Variants in RYR2 observed in about 807,000 individuals in gnomAD.
RYR2 encodes the protein cardiac muscle ryanodine receptor-calcium release channel.
A neutral mutation model predicts 601.1 loss-of-function variants in RYR2; 227 were observed. The ratio of observed to expected loss-of-function variants is 0.38; its 90% CI spans 0.34 to 0.42. The LOEUF (loss-of-function observed/expected upper bound fraction) is 0.42. Among genes scored for constraint, RYR2 ranks in the 10% least tolerant of loss-of-function variants. The pLI is 1.00. For synonymous variants in RYR2, 2,223 were observed against 2,175.1 expected (o/e 1.02, Z -0.61); for missense variants, 4,646 against 6,156.5 (o/e 0.75, Z 8.21).
At chr1:237,245,891 C>T (rs758833549) in intron 1 of RYR2, among the ~76,000 whole-genome samples, 8 of 151,942 alleles carry the variant, frequency 5.3e-5, no homozygotes, top group South Asian at 2.1e-4. Context: ...CAGTGATTCT[C>T]CTGTCTCAGC....
At position 237,722,181 on chromosome 1, in the gene RYR2, G is replaced by T. The variant is rs932170197; in HGVS notation, c.10555-947G>T. 3.3e-5 allele frequency among the ~76,000 whole-genome samples: 5 copies of T among 152,164 alleles called. No homozygotes were observed. In the South Asian group the frequency reaches 1.0e-3, roughly 32 times the overall value. On this transcript the variant is annotated intron_variant, in intron 73 of 104. Coordinates refer to ENST00000366574, the MANE Select transcript of RYR2 (RefSeq NM_001035.3). ...TCTTTCTACAATTAGACTGTGAATGGGGAGGAGAAGAGCATGGGTAGCCTT... is the reference window on the plus strand; with the variant it reads ...TCTTTCTACAATTAGACTGTGAATGTGGAGGAGAAGAGCATGGGTAGCCTT...
intron 5 of RYR2, among the ~76,000 whole-genome samples, chr1:237,368,274 C>T (rs1700360145): frequency 6.6e-6 from 1 of 152,060 alleles, no homozygotes; most frequent in African/African-American, 2.4e-5. Context: ...TTATTCTATA[C>T]AGTTTGGAAG....
intron 1 of RYR2, among the ~76,000 whole-genome samples, chr1:237,074,866 T>G (rs1664809164): frequency 6.6e-6 from 1 of 152,214 alleles, no homozygotes; most frequent in Non-Finnish European, 1.5e-5. Context: ...AGAGTTGATT[T>G]GCAGGTTAGG....
intron 1 of RYR2, among the ~76,000 whole-genome samples, chr1:237,260,287 C>G (rs1299340988): frequency 3.3e-5 from 5 of 152,110 alleles, no homozygotes; most frequent in Non-Finnish European, 7.3e-5. Flanking sequence ...AGCTTATTGA[C>G]GTGTGCAAGG....
intron 104 of RYR2, among the ~76,000 whole-genome samples, chr1:237,832,213 G>GTT (rs747564786): frequency 0.022 from 3,143 of 143,584 alleles, 66 homozygotes; most frequent in Non-Finnish European, 0.035. Flanking sequence ...TTTTTTTTGT[G>GTT]TTTTTTTTTT....
At chr1:237,198,467 A>C (rs1451275659) in intron 1 of RYR2, among the ~76,000 whole-genome samples, 1 of 137,490 alleles carries the variant, frequency 7.3e-6, no homozygotes, top group Admixed American at 7.4e-5. Context: ...TTTGGTATGG[A>C]AGTATTTTCC....
chr1:237,805,987 C>T, intron 98 of RYR2, 150 bp from the exon 99 acceptor site: 2 of 637,054 alleles, frequency 3.1e-6, no homozygotes, highest in South Asian at 4.8e-5. Flanking sequence ...CTACTTTTTA[C>T]TTCCATGAGA....
chr1:237,455,749 T>G (rs1273098517), intron 15 of RYR2, among the ~76,000 whole-genome samples: 3 of 152,150 alleles, frequency 2.0e-5, no homozygotes, highest in Non-Finnish European at 4.4e-5. Context: ...AGATGACCTA[T>G]CTAGAGACCT....
At chr1:237,627,532 A>G (rs1679802880) in intron 40 of RYR2, among the ~76,000 whole-genome samples, 3 of 152,228 alleles carry the variant, frequency 2.0e-5, no homozygotes, top group African/African-American at 7.2e-5. Context: ...GCCAATGGTA[A>G]TTTTGAAAAA....
intron 28 of RYR2, among the ~76,000 whole-genome samples, chr1:237,567,888 C>T (rs1449349571): frequency 2.0e-5 from 3 of 150,618 alleles, no homozygotes; most frequent in African/African-American, 7.3e-5. Flanking sequence ...GGCAGTTGAC[C>T]CACTTAGTTT....
intron 87 of RYR2, among the ~76,000 whole-genome samples, chr1:237,774,470 A>G (rs769715345): frequency 6.6e-6 from 1 of 152,166 alleles, no homozygotes; most frequent in Non-Finnish European, 1.5e-5. Flanking sequence ...AGTGCTGTAG[A>G]GGTAGGAAGA....
chr1:237,086,806 T>C lies in RYR2; in HGVS notation c.48+44237T>C, dbSNP rs143406197. 2.8e-4 allele frequency among the ~76,000 whole-genome samples: 43 copies of C among 152,240 alleles called. 1 individual carries two copies. Among genetic ancestry groups the C allele is most frequent in the Admixed American group, 2.7e-3 (42 of 15,278 alleles). On this transcript the variant is annotated intron_variant, in intron 1 of 104. Transcript: ENST00000366574. ...GTTATGGTTTGAGTATGTAGAGATA[T>C]TGGGCCTTCACTCTCCAGCTGCAGT...
At chr1:237,766,884 C>T (rs761103809) in intron 84 of RYR2, among the ~76,000 whole-genome samples, 14 of 152,170 alleles carry the variant, frequency 9.2e-5, no homozygotes, top group African/African-American at 2.4e-4. Context: ...TTGTATACAA[C>T]GCTGTCAGAC....
At chr1:237,303,279 G>C (rs1157428649) in intron 2 of RYR2, among the ~76,000 whole-genome samples, 1 of 147,310 alleles carries the variant, frequency 6.8e-6, no homozygotes, top group East Asian at 2.0e-4. Flanking sequence ...TATGAAGATA[G>C]CTCTGCGGTT....
At position 237,580,155 on chromosome 1, in the gene RYR2, C is replaced by CTTTTTTTTTT. The variant is rs58145628; in HGVS notation, c.3599-9630_3599-9621dup. Among the ~76,000 whole-genome samples the CTTTTTTTTTT allele has an allele frequency of 7.4e-4, 86 of 116,590 alleles. 2 individuals are homozygous for CTTTTTTTTTT. The highest frequency in any genetic ancestry group is 1.8e-3 in the East Asian group (6 of 3,382). 76.5% of individuals were successfully genotyped at this position (116,590 alleles called of 152,430 possible). A position where few individuals can be genotyped will look rare whatever the true frequency, so the allele number is the denominator to read the frequency against. On this transcript the variant is annotated intron_variant, in intron 29 of 104. Coordinates refer to ENST00000366574, the MANE Select transcript of RYR2 (RefSeq NM_001035.3). ...AGAGCCACGTGAAATCACAACAATT[C>CTTTTTTTTTT]TTTTTTTTTTTTTTTTTGAGACGGA...
chr1:237,230,498 A>G (rs1684870958), intron 1 of RYR2, among the ~76,000 whole-genome samples: 1 of 152,208 alleles, frequency 6.6e-6, no homozygotes, highest in Admixed American at 6.5e-5. Context: ...GAAAGTAGAG[A>G]CAGCTTTTGT....
intron 35 of RYR2, among the ~76,000 whole-genome samples, chr1:237,606,169 A>T (rs2148537871): frequency 6.6e-6 from 1 of 152,154 alleles, no homozygotes; most frequent in South Asian, 2.1e-4. Context: ...TTCAAACTAT[A>T]CTACAAGGCT....
intron 6 of RYR2, among the ~76,000 whole-genome samples, chr1:237,371,803 A>C (rs74416181): frequency 0.11 from 16,873 of 152,216 alleles, 1,225 homozygotes; most frequent in East Asian, 0.25. Context: ...AAGGACAAAA[A>C]ACCAAACACT....
rs1693387793 is a variant in RYR2 at position 237,761,003 on chromosome 1, T to G, written c.11451T>G (p.Leu3817=). The G allele has an allele frequency of 6.3e-7, 1 of 1,580,120 alleles. No homozygotes were observed. Among genetic ancestry groups the G allele is most frequent in the Non-Finnish European group, 8.6e-7 (1 of 1,161,238 alleles). Residue 3817 remains leucine (L), a synonymous_variant, in exon 84 of 105, where the codon CTT becomes CTG. Transcript: ENST00000366574. ...AFERQNKAEG[L]GMVTEEGSGE... ...AGCGACAAAACAAAGCTGAAGGTCT[T>G]GGGATGGTGACAGAGGAAGGATCAG... is the stretch of plus-strand genomic sequence containing the variant.
Sources: gnomAD v4.1 joint callset for allele counts (sites outside exome capture counted in the v4.1 genomes callset) on GRCh38, gnomAD v4.1.1 for gene constraint, MANE v1.5 for transcripts, NCBI Gene and HGNC (gene_info 2026-07-23, HGNC 2026-07-21) for gene names.